The following PANX1 variants were observed in gnomAD, a reference collection of about 807,000 sequenced individuals.
PANX1 encodes pannexin-1.
Under a neutral mutation model 38.7 loss-of-function variants are expected in PANX1, and 30 were observed. The ratio of observed to expected loss-of-function variants is 0.78; its 90% CI spans 0.58 to 1.05. PANX1 has a LOEUF of 1.05. PANX1 is among the 50% of genes least tolerant of loss of function. PANX1 has a pLI of 0.00. For synonymous variants in PANX1, 230 were observed against 212.2 expected (o/e 1.08, Z -0.73); for missense variants, 551 against 517.2 (o/e 1.07, Z -0.63).
intron 2 of PANX1, among the ~76,000 whole-genome samples, chr11:94,177,567 A>G (rs1436366922): frequency 6.6e-6 from 1 of 152,154 alleles, no homozygotes; most frequent in Non-Finnish European, 1.5e-5. Context: ...ACTGACTGCA[A>G]TTTACGGTCT....
intron 1 of PANX1, among the ~76,000 whole-genome samples, chr11:94,141,292 A>G (rs1211512784): frequency 6.6e-6 from 1 of 152,168 alleles, no homozygotes; most frequent in Non-Finnish European, 1.5e-5. Flanking sequence ...CTTCTTTACC[A>G]ATGTTTAATA....
At chr11:94,170,147 A>G (rs2134515539) in intron 2 of PANX1, among the ~76,000 whole-genome samples, 1 of 151,806 alleles carries the variant, frequency 6.6e-6, no homozygotes, top group Non-Finnish European at 1.5e-5. Context: ...AACCATCGCC[A>G]TTACCCATCT....
intron 1 of PANX1, among the ~76,000 whole-genome samples, chr11:94,145,462 A>G (rs1021442954): frequency 3.3e-5 from 5 of 152,212 alleles, no homozygotes; most frequent in African/African-American, 9.6e-5. Context: ...CAATAGTTGT[A>G]TAGCAGAGAT....
At chr11:94,134,720 T>C (rs975012163) in intron 1 of PANX1, among the ~76,000 whole-genome samples, 2 of 146,052 alleles carry the variant, frequency 1.4e-5, no homozygotes, top group Non-Finnish European at 3.0e-5. Flanking sequence ...CTTCCTCTCT[T>C]CTTCCCTCTT....
At chr11:94,150,950 T>C (rs962219981) in intron 1 of PANX1, among the ~76,000 whole-genome samples, 1 of 151,830 alleles carries the variant, frequency 6.6e-6, no homozygotes, top group Non-Finnish European at 1.5e-5. Flanking sequence ...TAGAGAGGAG[T>C]GCTGAGAGAA....
At position 94,179,996 on chromosome 11, in the gene PANX1, A is replaced by C. The variant is rs958355618; in HGVS notation, c.940A>C (p.Thr314Pro). 6.3e-7 allele frequency: 1 copy of C among 1,594,378 alleles called. No homozygotes were observed. The highest frequency in any genetic ancestry group is 8.6e-7 in the Non-Finnish European group (1 of 1,167,320). Residue 314 changes from threonine (T) to proline (P), a missense_variant, in exon 4 of 5, where the codon ACT becomes CCT. By Grantham distance (38) the Thr-to-Pro change is conservative (BLOSUM62 -1). Coordinates refer to ENST00000227638, the MANE Select transcript of PANX1 (RefSeq NM_015368.4). ...TCTCAAAGTGTACGAAATCCTCCCC[A>C]CTTTTGATGTTCTGCATTTCAAATC... ...DVLKVYEILPTFDVLHFKSEG... is the reference protein window; with the variant it reads ...DVLKVYEILPPFDVLHFKSEG...
At position 94,178,593 on chromosome 11, in the gene PANX1, G is replaced by T. The variant is rs1387179479; in HGVS notation, c.545+1G>T. The T allele has an allele frequency of 6.2e-7, 1 of 1,608,186 alleles. No individual in the cohort carries two copies. Among genetic ancestry groups the T allele is most frequent in the South Asian group, 1.1e-5 (1 of 90,948 alleles). ...GTGTTACCGAGAACTTAGGGCAAAG[G>T]TAACTTAGCCCCAGCAGGCAGCTCA... On this transcript the variant is annotated splice_donor_variant, in intron 3 of 4. Coordinates refer to ENST00000227638, the MANE Select transcript of PANX1 (RefSeq NM_015368.4). LOFTEE classifies it high-confidence loss of function.
chr11:94,143,708 T>A (rs1431394266), intron 1 of PANX1, among the ~76,000 whole-genome samples: 1 of 151,950 alleles, frequency 6.6e-6, no homozygotes, highest in Non-Finnish European at 1.5e-5. Context: ...AACACTTACC[T>A]AACTTTTCCC....
intron 2 of PANX1, among the ~76,000 whole-genome samples, chr11:94,177,068 C>T (rs1162251205): frequency 6.6e-6 from 1 of 151,736 alleles, no homozygotes; most frequent in East Asian, 1.9e-4. Context: ...CACCTCTATT[C>T]CATGACCATT....
At chr11:94,177,211 G>A (rs1437576814) in intron 2 of PANX1, among the ~76,000 whole-genome samples, 1 of 151,078 alleles carries the variant, frequency 6.6e-6, no homozygotes, top group Non-Finnish European at 1.5e-5. Context: ...TTAAGCCTCA[G>A]TAATGGTGTA....
In PANX1 at chr11:94,180,789, G is replaced by T; in HGVS notation, c.1202-1G>T. The stretch of plus-strand genomic sequence containing the variant: ...TAAATATTTGTTTTCAATTTTGACA[G>T]GTATGAACATAGACAGTGAAACTAA... On this transcript the variant is annotated splice_acceptor_variant, in intron 4 of 4. Transcript: ENST00000227638. LOFTEE classifies it high-confidence loss of function. The T allele has an allele frequency of 6.9e-7, 1 of 1,458,530 alleles. No individual in the cohort carries two copies. The highest frequency in any genetic ancestry group is 9.6e-7 in the Non-Finnish European group (1 of 1,038,360). The allele number at this position is 1,458,530 out of a possible 1,614,324, so 90.3% of individuals were successfully genotyped here. A position where few individuals can be genotyped will look rare whatever the true frequency, so the allele number is the denominator to read the frequency against.
intron 1 of PANX1, among the ~76,000 whole-genome samples, chr11:94,144,811 C>G (rs999653056): frequency 1.3e-5 from 2 of 152,104 alleles, no homozygotes; most frequent in African/African-American, 2.4e-5. Flanking sequence ...GGCTGAATTG[C>G]AACTTGACCA....
chr11:94,154,064 A>G (rs1946918275), intron 2 of PANX1, among the ~76,000 whole-genome samples: 1 of 152,218 alleles, frequency 6.6e-6, no homozygotes, highest in African/African-American at 2.4e-5. Context: ...GGACTGACCT[A>G]GAGTTCAGTT....
intron 2 of PANX1, chr11:94,175,948 G>T: frequency 2.1e-6 from 2 of 956,504 alleles, no homozygotes; most frequent in Non-Finnish European, 2.5e-6. Context: ...TGCGTCTGGG[G>T]CAGAGATTCC....
chr11:94,163,691 T>A (rs750351233), intron 2 of PANX1, among the ~76,000 whole-genome samples: 49 of 152,328 alleles, frequency 3.2e-4, no homozygotes, highest in Middle Eastern at 3.4e-3. Context: ...TTTACTTGTC[T>A]TTGTCTGATT....
chr11:94,159,822 C>T (rs530326524), intron 2 of PANX1, among the ~76,000 whole-genome samples: 8 of 151,122 alleles, frequency 5.3e-5, no homozygotes, highest in Admixed American at 1.3e-4. Flanking sequence ...GTGATGTTAG[C>T]GTGTCAATTT....
At chr11:94,159,890 C>T (rs192748309) in intron 2 of PANX1, among the ~76,000 whole-genome samples, 4 of 151,758 alleles carry the variant, frequency 2.6e-5, no homozygotes, top group African/African-American at 7.2e-5. Context: ...CCTCTATACA[C>T]TGCTTTGAAT....
intron 1 of PANX1, among the ~76,000 whole-genome samples, chr11:94,151,638 T>C (rs553416495): frequency 6.6e-6 from 1 of 152,352 alleles, no homozygotes; most frequent in African/African-American, 2.4e-5. Context: ...TTCACACTGA[T>C]GCGGGAACCG....
Position 94,129,381 on chromosome 11 carries a change from C to T in PANX1, c.69C>T (p.Pro23=). 1 of 1,613,960 alleles carries T rather than the reference C, an allele frequency of 6.2e-7. No homozygotes were observed. Among genetic ancestry groups the T allele is most frequent in the Non-Finnish European group, 8.5e-7 (1 of 1,179,928 alleles). The change falls in exon 1 of 5, where the codon CCC becomes CCT. Residue 23 remains proline (P), a synonymous_variant. Coordinates refer to ENST00000227638, the MANE Select transcript of PANX1 (RefSeq NM_015368.4). ...SDFLLKEPTE[P]KFKGLRLELA... is the part of the protein sequence containing the mutation. ...TCTTGCTGAAGGAGCCCACGGAGCCCAAGTTCAAGGGGCTGCGACTGGAGC... is the reference window on the plus strand; with the variant it reads ...TCTTGCTGAAGGAGCCCACGGAGCCTAAGTTCAAGGGGCTGCGACTGGAGC...
Sources: allele counts gnomAD v4.1 joint callset (sites outside exome capture counted in the v4.1 genomes callset), GRCh38; gene constraint gnomAD v4.1.1; transcripts MANE v1.5; gene names NCBI Gene and HGNC (gene_info 2026-07-23, HGNC 2026-07-21).